The following ABL1 variants were observed in gnomAD, a reference collection of about 807,000 sequenced individuals.
ABL1 encodes ABL proto-oncogene 1, non-receptor tyrosine kinase.
In ABL1, 11 loss-of-function variants were observed where a neutral mutation model predicts 94.7. That is an observed-to-expected ratio of 0.12 (90% CI 0.07 to 0.19). The LOEUF (loss-of-function observed/expected upper bound fraction) is 0.19. ABL1 is among the 10% of genes least tolerant of loss of function. ABL1 has a pLI of 1.00. For missense variants in ABL1, 1,082 were observed against 1,489.4 expected, an observed-to-expected ratio of 0.73 and a Z score of 4.50; for synonymous variants, 656 against 622.4, an observed-to-expected ratio of 1.05 and a Z score of -0.80.
intron 1 of ABL1, among the ~76,000 whole-genome samples, chr9:130,840,249 A>G (rs973230098): frequency 2.6e-5 from 4 of 152,210 alleles, no homozygotes; most frequent in African/African-American, 9.7e-5. Flanking sequence ...CGTATAATTA[A>G]TACTTCCTGT....
intron 4 of ABL1, among the ~76,000 whole-genome samples, chr9:130,868,628 C>T (rs1421242520): frequency 2.1e-5 from 3 of 140,690 alleles, no homozygotes; most frequent in Non-Finnish European, 4.5e-5. Context: ...TCAAGCAATT[C>T]TTCTGCCTCA....
intron 1 of ABL1, among the ~76,000 whole-genome samples, chr9:130,763,957 G>A (rs932075830): frequency 1.3e-5 from 2 of 152,138 alleles, no homozygotes; most frequent in Non-Finnish European, 2.9e-5. Flanking sequence ...AGCACAAGGG[G>A]AACATGAACC....
At chr9:130,841,013 C>T (rs1466957292) in intron 1 of ABL1, among the ~76,000 whole-genome samples, 4 of 152,168 alleles carry the variant, frequency 2.6e-5, no homozygotes, top group Non-Finnish European at 4.4e-5. Context: ...TGGGTAGAAT[C>T]GTTACTCTGG....
intron 1 of ABL1, among the ~76,000 whole-genome samples, chr9:130,775,822 G>C (rs1832304501): frequency 1.3e-5 from 2 of 151,856 alleles, no homozygotes; most frequent in Non-Finnish European, 2.9e-5. Context: ...AAAGCAATCA[G>C]AGAGAAACTG....
At chr9:130,787,143 C>T (rs553891891) in intron 1 of ABL1, among the ~76,000 whole-genome samples, 5 of 152,302 alleles carry the variant, frequency 3.3e-5, no homozygotes, top group South Asian at 2.1e-4. Context: ...TCCTTTTACT[C>T]GTAGCCTGCC....
At chr9:130,861,507 A>G (rs2132970296) in intron 3 of ABL1, among the ~76,000 whole-genome samples, 1 of 152,332 alleles carries the variant, frequency 6.6e-6, no homozygotes, top group Middle Eastern at 3.4e-3. Context: ...GACATAACCC[A>G]CAGCCAAAGG....
intron 1 of ABL1, among the ~76,000 whole-genome samples, chr9:130,741,719 C>G (rs560762004): frequency 3.3e-5 from 5 of 152,246 alleles, no homozygotes; most frequent in Admixed American, 6.5e-5. Context: ...AGTTACCGCA[C>G]TGGTATACCA....
chr9:130,845,955 A>G (rs1265410797), intron 1 of ABL1, among the ~76,000 whole-genome samples: 1 of 151,914 alleles, frequency 6.6e-6, no homozygotes, highest in Non-Finnish European at 1.5e-5. Context: ...TTCTCCAAGG[A>G]GCGGGGCTAC....
At chr9:130,861,378 G>T (rs1831068045) in intron 3 of ABL1, among the ~76,000 whole-genome samples, 1 of 152,196 alleles carries the variant, frequency 6.6e-6, no homozygotes, top group East Asian at 1.9e-4. Flanking sequence ...CCTTCCTGTT[G>T]ACGAATCCTT....
chr9:130,853,076 C>G (rs1830900977), intron 1 of ABL1, among the ~76,000 whole-genome samples: 1 of 151,106 alleles, frequency 6.6e-6, no homozygotes, highest in African/African-American at 2.4e-5. Flanking sequence ...TGGGGGTGAT[C>G]ACCAAAAAAA....
At position 130,862,752 on chromosome 9, in the gene ABL1, G is replaced by A. The variant is rs1017846667; in HGVS notation, c.550-11G>A. On this transcript the variant is annotated splice_polypyrimidine_tract_variant and intron_variant, in intron 3 of 10. Coordinates refer to ENST00000318560, the MANE Select transcript of ABL1 (RefSeq NM_005157.6). The surrounding 1 kb of genome is among the most constrained non-coding windows in gnomAD (Gnocchi z 5.5). ...CTCTGTGGGCTGAAGGCTGTTCCCT[G>A]TTTCCTTCAGCTCTACGTCTCCTCC... The A allele has an allele frequency of 6.2e-7, 1 of 1,611,814 alleles. No individual in the cohort carries two copies. Among genetic ancestry groups the A allele is most frequent in the African/African-American group, 1.3e-5 (1 of 74,848 alleles).
chr9:130,791,178 C>T (rs1218393739), intron 1 of ABL1, among the ~76,000 whole-genome samples: 1 of 152,048 alleles, frequency 6.6e-6, no homozygotes. Context: ...GACAGATTAC[C>T]TACAAAGGAA....
chr9:130,762,120 G>T (rs1179769192), intron 1 of ABL1, among the ~76,000 whole-genome samples: 1 of 134,494 alleles, frequency 7.4e-6, no homozygotes, highest in Non-Finnish European at 1.5e-5. Flanking sequence ...TTCTGCCTGG[G>T]CAACAAGAGC....
chr9:130,851,766 CTT>C (rs149948786), intron 1 of ABL1, among the ~76,000 whole-genome samples: 4,524 of 122,770 alleles, frequency 0.037, 212 homozygotes, highest in African/African-American at 0.13. Flanking sequence ...CTCTCTTTTT[CTT>C]TTTTTTTTTT....
intron 10 of ABL1, among the ~76,000 whole-genome samples, chr9:130,882,903 G>A (rs1014237465): frequency 6.6e-6 from 1 of 152,132 alleles, no homozygotes; most frequent in Admixed American, 6.5e-5. Flanking sequence ...TTGGCCGGGC[G>A]TGGTGGCTCA....
At chr9:130,744,765 G>C (rs1462793744) in intron 1 of ABL1, among the ~76,000 whole-genome samples, 3 of 149,962 alleles carry the variant, frequency 2.0e-5, no homozygotes, top group Non-Finnish European at 4.4e-5. Flanking sequence ...GCTGAGGCAG[G>C]AGAATGGCGT....
intron 1 of ABL1, among the ~76,000 whole-genome samples, chr9:130,723,577 A>C (rs1249774687): frequency 6.6e-6 from 1 of 151,892 alleles, no homozygotes; most frequent in Admixed American, 6.6e-5. Flanking sequence ...CAAACAAAAA[A>C]CAAACCTGCT....
At chr9:130,818,888 C>T (rs922147214) in intron 1 of ABL1, among the ~76,000 whole-genome samples, 1 of 152,194 alleles carries the variant, frequency 6.6e-6, no homozygotes, top group East Asian at 1.9e-4. Flanking sequence ...CCAATTTCTC[C>T]CCCAAGAACG....
chr9:130,830,437 T>G (rs954865297), upstream of ABL1, among the ~76,000 whole-genome samples: 56 of 152,352 alleles, frequency 3.7e-4, no homozygotes, highest in Admixed American at 3.7e-3. Context: ...AAGCTGTGGT[T>G]GCAAATCTTT....
Sources: allele counts gnomAD v4.1 joint callset (sites outside exome capture counted in the v4.1 genomes callset), GRCh38; gene constraint gnomAD v4.1.1; non-coding constraint Gnocchi (gnomAD v3.1); transcripts MANE v1.5; gene names NCBI Gene and HGNC (gene_info 2026-07-23, HGNC 2026-07-21).